The following PDZD2 variants were observed in gnomAD, a reference collection of about 807,000 sequenced individuals.
PDZD2 encodes the protein PDZ domain containing 2, also known as PDZ domain-containing protein 2.
In PDZD2, 90 loss-of-function variants were observed where a neutral mutation model predicts 220.7. The ratio of observed to expected loss-of-function variants is 0.41; its 90% CI spans 0.34 to 0.49. PDZD2 has a LOEUF of 0.49. Among genes scored for constraint, PDZD2 ranks in the 20% least tolerant of loss-of-function variants. PDZD2 has a pLI of 0.28. For missense variants in PDZD2, 3,174 were observed against 3,608.5 expected, an observed-to-expected ratio of 0.88 and a Z score of 3.08; for synonymous variants, 1,375 against 1,450.5, an observed-to-expected ratio of 0.95 and a Z score of 1.18.
At chr5:31,863,820 T>C (rs764558085) in intron 2 of PDZD2, among the ~76,000 whole-genome samples, 14 of 152,342 alleles carry the variant, frequency 9.2e-5, no homozygotes, top group South Asian at 2.1e-4. Context: ...CTAGAAGACC[T>C]TGATGTTTCC....
chr5:31,657,598 C>T (rs1206680108), intron 1 of PDZD2, among the ~76,000 whole-genome samples: 1 of 152,160 alleles, frequency 6.6e-6, no homozygotes, highest in African/African-American at 2.4e-5. Context: ...AGTGAAGGTC[C>T]TGCACTTGAA....
chr5:32,006,767 G>A (rs1234798215), intron 5 of PDZD2, among the ~76,000 whole-genome samples: 1 of 142,370 alleles, frequency 7.0e-6, no homozygotes, highest in East Asian at 2.1e-4. Context: ...TTGGCTCACT[G>A]CGACCTCCGC....
chr5:31,776,421 T>C (rs184468691), intron 1 of PDZD2, among the ~76,000 whole-genome samples: 1 of 152,206 alleles, frequency 6.6e-6, no homozygotes, highest in African/African-American at 2.4e-5. Flanking sequence ...TTCGGGTCCC[T>C]ACCCTACTCC....
At chr5:31,822,924 C>G in intron 2 of PDZD2, 2 of 944,042 alleles carry the variant, frequency 2.1e-6, no homozygotes, top group South Asian at 2.5e-5. Flanking sequence ...TACAAATAGT[C>G]TGAACGGTGG....
At chr5:31,741,258 T>C (rs1750249981) in intron 1 of PDZD2, among the ~76,000 whole-genome samples, 2 of 151,924 alleles carry the variant, frequency 1.3e-5, no homozygotes, top group African/African-American at 4.8e-5. Flanking sequence ...AAAATTGTGG[T>C]GGTTTCTGGT....
At chr5:31,891,221 C>T (rs1741010752) in intron 2 of PDZD2, among the ~76,000 whole-genome samples, 1 of 149,374 alleles carries the variant, frequency 6.7e-6, no homozygotes, top group South Asian at 2.2e-4. Context: ...ACTGCCATCT[C>T]AGCCTCCTGG....
At chr5:32,086,116 T>C (rs912409449) in intron 19 of PDZD2, among the ~76,000 whole-genome samples, 1 of 152,170 alleles carries the variant, frequency 6.6e-6, no homozygotes, top group Non-Finnish European at 1.5e-5. Flanking sequence ...CAGAGCTCGG[T>C]GTAGACCTGT....
chr5:31,643,077 TG>T (rs1182206518), intron 1 of PDZD2, among the ~76,000 whole-genome samples: 1 of 152,188 alleles, frequency 6.6e-6, no homozygotes, highest in Non-Finnish European at 1.5e-5. Context: ...TTCACAGGGT[TG>T]TTCTTAGGAG....
In PDZD2 at chr5:32,061,069, G is replaced by A. The variant is rs776212299; in HGVS notation, c.2386G>A (p.Ala796Thr). 1.9e-6 allele frequency: 3 copies of A among 1,613,982 alleles called. No individual in the cohort carries two copies. Among genetic ancestry groups the A allele is most frequent in the East Asian group, 2.2e-5 (1 of 44,892 alleles). The change falls in exon 14 of 25, where the codon GCC becomes ACC. Residue 796 changes from alanine (A) to threonine (T), a missense_variant. This residue lies in a region of PDZD2 where 1,861 missense variants were observed against 2,001.0 expected (regional missense o/e 0.93). Transcript: ENST00000438447. ...CCATGCTGCTTTAAGCAAAGTCCAC[G>A]CCATCTTGAGTAAATGCCCTCCAGG... ...VRHAALSKVH[A>T]ILSKCPPGPV...
Position 32,058,020 on chromosome 5 carries a change from C to A in PDZD2, c.2117C>A (p.Ser706Tyr), listed in dbSNP as rs770428796. 1.2e-6 allele frequency: 2 copies of A among 1,613,092 alleles called. No homozygotes were observed. The highest frequency in any genetic ancestry group is 4.5e-5 in the East Asian group (2 of 44,868). The change falls in exon 12 of 25, where the codon TCC becomes TAC. Residue 706 changes from serine (S) to tyrosine (Y), a missense_variant. Around this residue, in one of 4 missense-constraint regions of PDZD2, gnomAD observed 1,861 missense variants for 2,001.0 expected, o/e 0.93. Coordinates refer to ENST00000438447, the MANE Select transcript of PDZD2 (RefSeq NM_178140.4). Reference protein sequence around the residue: ...NTSGGASAGGSDEGSSSSLGR... With the variant: ...NTSGGASAGGYDEGSSSSLGR... The stretch of plus-strand genomic sequence containing the variant: ...AGTGGGGGAGCCTCAGCGGGAGGTT[C>A]CGATGAAGGCAGTTCTTCATCCCTG...
intron 1 of PDZD2, among the ~76,000 whole-genome samples, chr5:31,653,520 G>A (rs1294654098): frequency 6.6e-6 from 1 of 152,136 alleles, no homozygotes; most frequent in African/African-American, 2.4e-5. Flanking sequence ...GTGAGAGGGA[G>A]GACCTCTGAG....
At chr5:32,009,117 G>A (rs1561335634) in intron 5 of PDZD2, among the ~76,000 whole-genome samples, 1 of 152,128 alleles carries the variant, frequency 6.6e-6, no homozygotes, top group Non-Finnish European at 1.5e-5. Context: ...AGCCAAGGCA[G>A]GCAGATCACG....
intron 2 of PDZD2, among the ~76,000 whole-genome samples, chr5:31,892,541 G>T (rs1219209151): frequency 6.6e-6 from 1 of 152,148 alleles, no homozygotes; most frequent in Non-Finnish European, 1.5e-5. Flanking sequence ...TGAGTTTGGG[G>T]TACACAGGTG....
chr5:31,692,326 G>A (rs1027170885), intron 1 of PDZD2, among the ~76,000 whole-genome samples: 1 of 152,226 alleles, frequency 6.6e-6, no homozygotes, highest in Non-Finnish European at 1.5e-5. Flanking sequence ...GCGCGGCCCC[G>A]GTTCCCGCCC....
At chr5:31,851,910 G>A (rs1050743328) in intron 2 of PDZD2, among the ~76,000 whole-genome samples, 1 of 152,030 alleles carries the variant, frequency 6.6e-6, no homozygotes, top group African/African-American at 2.4e-5. Context: ...AGGCTGAAGT[G>A]CAGTGGTGGG....
chr5:31,946,166 T>A (rs915080933), intron 2 of PDZD2, among the ~76,000 whole-genome samples: 1 of 152,146 alleles, frequency 6.6e-6, no homozygotes, highest in African/African-American at 2.4e-5. Context: ...CCACACCTGG[T>A]TAATTCTTGC....
intron 1 of PDZD2, among the ~76,000 whole-genome samples, chr5:31,693,832 T>C (rs924680604): frequency 2.6e-5 from 4 of 152,210 alleles, no homozygotes; most frequent in Non-Finnish European, 4.4e-5. Context: ...TCTGCCCTTA[T>C]GGTCAGAAAA....
intron 2 of PDZD2, among the ~76,000 whole-genome samples, chr5:31,828,603 C>T (rs1756370124): frequency 6.6e-6 from 1 of 152,180 alleles, no homozygotes; most frequent in Non-Finnish European, 1.5e-5. Flanking sequence ...TCCAGCAATC[C>T]TCCCACCTTA....
Position 31,983,431 on chromosome 5 carries a change from G to A in PDZD2, c.753G>A (p.Glu251=). ...EVSSDPSTEL[E]NGPDPELGNG... ...CCAGTGACCCCAGCACTGAGCTGGA[G>A]AACGGCCCTGACCCTGAACTTGGAA... The change falls in exon 3 of 25, where the codon GAG becomes GAA. Residue 251 remains glutamate (E), a synonymous_variant. Coordinates refer to ENST00000438447, the MANE Select transcript of PDZD2 (RefSeq NM_178140.4). 1 of 1,614,240 alleles carries A rather than the reference G, an allele frequency of 6.2e-7. No individual in the cohort carries two copies. Among genetic ancestry groups the A allele is most frequent in the South Asian group, 1.1e-5 (1 of 91,092 alleles).
Sources: allele counts gnomAD v4.1 joint callset (sites outside exome capture counted in the v4.1 genomes callset), GRCh38; gene constraint gnomAD v4.1.1; regional missense constraint gnomAD v4.1.1; transcripts MANE v1.5; gene names NCBI Gene and HGNC (gene_info 2026-07-23, HGNC 2026-07-21).